Variants in HNF4G observed in about 807,000 individuals in gnomAD.
HNF4G encodes the protein hepatocyte nuclear factor 4 gamma, also known as hepatocyte nuclear factor 4-gamma.
In HNF4G, 21 loss-of-function variants were observed where a neutral mutation model predicts 50.9. That is an observed-to-expected ratio of 0.41 (90% confidence interval 0.29 to 0.59). HNF4G has a LOEUF of 0.59. Ranked by LOEUF, HNF4G falls within the 20% of genes least tolerant of loss-of-function variation. The probability of loss-of-function intolerance (pLI) is 0.26; values close to 1 mark genes in which losing one functional copy is unlikely to be tolerated. For synonymous variants in HNF4G, 198 were observed against 185.6 expected (o/e 1.07, Z -0.54); for missense variants, 527 against 559.4 (o/e 0.94, Z 0.58).
intron 1 of HNF4G, among the ~76,000 whole-genome samples, chr8:75,423,815 C>CTTT (rs548125507): frequency 0.019 from 1,365 of 71,142 alleles, 265 homozygotes; most frequent in East Asian, 0.06. Flanking sequence ...AAGTTTCTTT[C>CTTT]TTTTTTTTTT....
chr8:75,462,537 A>C (rs1289422029), intron 1 of HNF4G, among the ~76,000 whole-genome samples: 1 of 152,214 alleles, frequency 6.6e-6, no homozygotes, highest in Non-Finnish European at 1.5e-5. Flanking sequence ...TAGAATTTTC[A>C]GTTTAATATT....
At chr8:75,442,969 C>A (rs1280898448) in intron 1 of HNF4G, among the ~76,000 whole-genome samples, 1 of 152,174 alleles carries the variant, frequency 6.6e-6, no homozygotes, top group East Asian at 1.9e-4. Context: ...TGAATGTTTG[C>A]ATCTCCCCAA....
intron 2 of HNF4G, among the ~76,000 whole-genome samples, chr8:75,533,874 T>C (rs763129643): frequency 2.0e-5 from 3 of 151,894 alleles, no homozygotes; most frequent in Non-Finnish European, 4.4e-5. Flanking sequence ...ACATATAATC[T>C]ATTATTGTAT....
intron 1 of HNF4G, among the ~76,000 whole-genome samples, chr8:75,482,302 G>T (rs911574837): frequency 6.6e-6 from 1 of 152,024 alleles, no homozygotes; most frequent in African/African-American, 2.4e-5. Context: ...GGACCTCCTT[G>T]TATTGATCTT....
At chr8:75,447,686 T>C (rs1307077439) in intron 1 of HNF4G, among the ~76,000 whole-genome samples, 2 of 151,962 alleles carry the variant, frequency 1.3e-5, no homozygotes, top group Non-Finnish European at 2.9e-5. Flanking sequence ...GAAAAAATGC[T>C]CATCATCACT....
intron 1 of HNF4G, 136 bp downstream of exon 1, chr8:75,540,216 T>C: frequency 1.8e-6 from 1 of 570,264 alleles, no homozygotes; most frequent in Non-Finnish European, 3.1e-6. Context: ...GCCACAGATC[T>C]GAGCTTTTGC....
chr8:75,520,720 GCAC>G (rs1806016634), intron 2 of HNF4G, among the ~76,000 whole-genome samples: 1 of 152,022 alleles, frequency 6.6e-6, no homozygotes, highest in Admixed American at 6.6e-5. Flanking sequence ...TTACAAGTGT[GCAC>G]CACCACGCCC....
At chr8:75,455,840 G>A (rs1585859535) in intron 1 of HNF4G, among the ~76,000 whole-genome samples, 1 of 152,024 alleles carries the variant, frequency 6.6e-6, no homozygotes, top group Admixed American at 6.6e-5. Flanking sequence ...AGTGGTAGCA[G>A]TTTGCATACT....
chr8:75,426,072 G>C (rs1252450079), intron 1 of HNF4G, among the ~76,000 whole-genome samples: 1 of 152,192 alleles, frequency 6.6e-6, no homozygotes, highest in East Asian at 1.9e-4. Context: ...ATTTAGAAAA[G>C]TGGTAGCAGA....
rs1807395419 is a variant in HNF4G, at chr8:75,564,090, A to G, written c.1362A>G (p.Gln454=). The change falls in exon 10 of 10, where the codon CAA becomes CAG. Residue 454 remains glutamine, a synonymous_variant. Transcript: ENST00000396423. Reference sequence around the variant, plus strand: ...ACCAGCATCTCTCCAAACAAAAGCAATTGTGAAAATGTGTTTACTTCAGAA... The same window carrying G: ...ACCAGCATCTCTCCAAACAAAAGCAGTTGTGAAAATGTGTTTACTTCAGAA... ...ISHQHLSKQK[Q]L is the part of the protein sequence containing the mutation. The G allele has an allele frequency of 1.9e-6, 3 of 1,613,234 alleles. No individual in the cohort carries two copies. The highest frequency in any genetic ancestry group is 1.3e-5 in the African/African-American group (1 of 74,896).
intron 6 of HNF4G, 41 bp downstream of exon 6, chr8:75,556,110 T>A: frequency 8.9e-7 from 1 of 1,118,128 alleles, no homozygotes; most frequent in Non-Finnish European, 1.3e-6. Flanking sequence ...ATTATGCATA[T>A]TTTATTCTTG....
chr8:75,554,117 A>C (rs1050457317), intron 5 of HNF4G, among the ~76,000 whole-genome samples: 1 of 152,154 alleles, frequency 6.6e-6, no homozygotes, highest in Admixed American at 6.6e-5. Flanking sequence ...ATCTGAAATA[A>C]TTCTTAAAAT....
chr8:75,486,692 A>G (rs28661962), intron 1 of HNF4G, among the ~76,000 whole-genome samples: 34,675 of 152,110 alleles, frequency 0.23, 5,152 homozygotes, highest in African/African-American at 0.42. Context: ...TTGGAATTTC[A>G]CTTTCTAAAA....
chr8:75,512,324 T>G (rs1002278821), intron 2 of HNF4G, among the ~76,000 whole-genome samples: 2 of 151,816 alleles, frequency 1.3e-5, no homozygotes, highest in African/African-American at 4.8e-5. Context: ...TGGTTTAAGT[T>G]ATATTAAAGA....
chr8:75,543,988 A>C lies in HNF4G; in HGVS notation c.287+9A>C. Reference sequence around the variant, plus strand: ...CACGTTTATTCTTGCAGGTACTTTAAATGCCCTTTTAGGCAAGTTATCTTT... The same window carrying C: ...CACGTTTATTCTTGCAGGTACTTTACATGCCCTTTTAGGCAAGTTATCTTT... On this transcript the variant is annotated intron_variant, in intron 2 of 9. Transcript: ENST00000396423. The C allele has an allele frequency of 6.4e-7, 1 of 1,562,878 alleles. No individual in the cohort carries two copies. The highest frequency in any genetic ancestry group is 8.7e-7 in the Non-Finnish European group (1 of 1,150,754).
At chr8:75,455,909 A>G (rs1384599932) in intron 1 of HNF4G, among the ~76,000 whole-genome samples, 1 of 152,124 alleles carries the variant, frequency 6.6e-6, no homozygotes, top group Non-Finnish European at 1.5e-5. Flanking sequence ...TCAAACCAAA[A>G]CGGAAAGGTC....
chr8:75,492,623 G>A (rs1391684593), intron 2 of HNF4G, among the ~76,000 whole-genome samples: 1 of 152,140 alleles, frequency 6.6e-6, no homozygotes, highest in Non-Finnish European at 1.5e-5. Flanking sequence ...AATTTTATGA[G>A]ATGGGTCTCT....
chr8:75,412,687 G>T (rs1330217166), intron 1 of HNF4G, among the ~76,000 whole-genome samples: 1 of 151,802 alleles, frequency 6.6e-6, no homozygotes, highest in Non-Finnish European at 1.5e-5. Context: ...TTATGCTCTT[G>T]GCTGACTGAA....
chr8:75,549,600 T>G (rs1288738093), intron 3 of HNF4G, among the ~76,000 whole-genome samples: 1 of 149,780 alleles, frequency 6.7e-6, no homozygotes, highest in South Asian at 2.1e-4. Context: ...TGGGTAGTTG[T>G]TTTTTTTTAA....
Sources: gnomAD v4.1 joint callset for allele counts (sites outside exome capture counted in the v4.1 genomes callset) on GRCh38, gnomAD v4.1.1 for gene constraint, MANE v1.5 for transcripts, NCBI Gene and HGNC (gene_info 2026-07-23, HGNC 2026-07-21) for gene names.